TRHDE: variants seen among roughly 807,000 people sequenced by gnomAD.
TRHDE encodes the protein thyrotropin releasing hormone degrading enzyme.
TRHDE carries 72 observed loss-of-function variants against 125.7 expected under a neutral mutation model. The ratio of observed to expected loss-of-function variants is 0.57; its 90% CI spans 0.47 to 0.70. TRHDE has a LOEUF of 0.70. Ranked by LOEUF, TRHDE falls within the 30% of genes least tolerant of loss-of-function variation. The probability of loss-of-function intolerance (pLI) is 0.00; values close to 1 mark genes in which losing one functional copy is unlikely to be tolerated. For missense variants in TRHDE, 1,110 were observed against 1,327.1 expected (o/e 0.84, Z 2.54); for synonymous variants, 509 against 509.1 (o/e 1.00, Z 0.00).
chr12:72,290,817 GTCCTGAAAGAACTAGGTGGGCGT>G (rs1196261131), intron 2 of TRHDE, among the ~76,000 whole-genome samples: 1 of 152,196 alleles, frequency 6.6e-6, no homozygotes, highest in African/African-American at 2.4e-5. Context: ...AAAGGTGAGT[GTCCTGAAAGAACTAGGTGGGCGT>G]TATGTGGAAT....
chr12:72,127,157 G>C (rs1448072930), intron 2 of TRHDE, among the ~76,000 whole-genome samples: 1 of 152,104 alleles, frequency 6.6e-6, no homozygotes, highest in East Asian at 1.9e-4. Flanking sequence ...ACTTACACCA[G>C]TCAGAATGGC....
intron 2 of TRHDE, among the ~76,000 whole-genome samples, chr12:72,372,268 T>C (rs1871635282): frequency 6.6e-6 from 1 of 152,122 alleles, no homozygotes; most frequent in African/African-American, 2.4e-5. Context: ...TTGTTTGAGT[T>C]CATTGTAGAT....
At chr12:72,570,333 C>A (rs1416122763) in intron 10 of TRHDE, among the ~76,000 whole-genome samples, 1 of 152,068 alleles carries the variant, frequency 6.6e-6, no homozygotes, top group East Asian at 1.9e-4. Flanking sequence ...GTAATCCCAG[C>A]ACTTTGGGAG....
chr12:72,531,549 A>G (rs1868555153), intron 6 of TRHDE, among the ~76,000 whole-genome samples: 1 of 151,942 alleles, frequency 6.6e-6, no homozygotes, highest in African/African-American at 2.4e-5. Flanking sequence ...AAATTCATAA[A>G]GATGTGCTTT....
At chr12:72,150,463 A>C (rs1876333096) in intron 2 of TRHDE, among the ~76,000 whole-genome samples, 1 of 150,818 alleles carries the variant, frequency 6.6e-6, no homozygotes, top group African/African-American at 2.4e-5. Context: ...TTAGTTATAT[A>C]TGTATACATG....
Position 72,097,426 on chromosome 12 carries a change from CATTTTCTCACTGA to C in TRHDE, n.175-8216_175-8204del, listed in dbSNP as rs143739243. 1.1e-4 allele frequency among the ~76,000 whole-genome samples: 7 copies of C among 61,800 alleles called. 1 individual carries two copies. Among genetic ancestry groups the C allele is most frequent in the Non-Finnish European group, 2.7e-4 (6 of 21,992 alleles). 40.5% of individuals were successfully genotyped at this position (61,800 alleles called of 152,430 possible). On this transcript the variant is annotated intron_variant and non_coding_transcript_variant, in intron 1 of 4. Coordinates refer to the TRHDE transcript ENST00000548156. ...TTAGTCCCTCCTTACCTTGCAGTAG[CATTTTCTCACTGA>C]ATTTTTTTTTTTTTTTTTTTTTTTT...
At chr12:72,356,362 A>T (rs1406429736) in intron 2 of TRHDE, among the ~76,000 whole-genome samples, 5 of 151,490 alleles carry the variant, frequency 3.3e-5, no homozygotes, top group African/African-American at 1.2e-4. Context: ...GAGGGGAACA[A>T]CAGACAACGG....
chr12:72,313,100 G>T (rs1416670501), intron 2 of TRHDE, among the ~76,000 whole-genome samples: 1 of 151,856 alleles, frequency 6.6e-6, no homozygotes, highest in Non-Finnish European at 1.5e-5. Flanking sequence ...TTAGGTTTAT[G>T]ATTTCATTAT....
intron 2 of TRHDE, among the ~76,000 whole-genome samples, chr12:72,232,599 A>G (rs1382059715): frequency 6.6e-6 from 1 of 152,168 alleles, no homozygotes; most frequent in Non-Finnish European, 1.5e-5. Flanking sequence ...AGAACTCTAG[A>G]ATCAGGAGAA....
At chr12:72,151,617 T>C (rs1377032569) in intron 2 of TRHDE, among the ~76,000 whole-genome samples, 1 of 151,814 alleles carries the variant, frequency 6.6e-6, no homozygotes, top group Non-Finnish European at 1.5e-5. Context: ...TACATATGGC[T>C]AGCCAGTTTT....
At chr12:72,585,888 T>C (rs1225637738) in intron 12 of TRHDE, among the ~76,000 whole-genome samples, 1 of 152,176 alleles carries the variant, frequency 6.6e-6, no homozygotes, top group Non-Finnish European at 1.5e-5. Flanking sequence ...CTAAAGAAAT[T>C]TTTAAAATGA....
intron 2 of TRHDE, chr12:72,186,128 C>G (rs1877202937): frequency 6.6e-6 from 1 of 152,534 alleles, no homozygotes; most frequent in African/African-American, 2.4e-5. Flanking sequence ...AAGCTTTGTT[C>G]TTTCGCTCTT....
chr12:72,356,542 T>TA (rs1056986448), intron 2 of TRHDE, among the ~76,000 whole-genome samples: 164 of 143,924 alleles, frequency 1.1e-3, no homozygotes, highest in South Asian at 3.7e-3. Flanking sequence ...AAATAAAAGT[T>TA]AAAAAAAAAA....
intron 2 of TRHDE, among the ~76,000 whole-genome samples, chr12:72,145,761 G>T (rs1049180736): frequency 6.6e-6 from 1 of 152,116 alleles, no homozygotes; most frequent in Non-Finnish European, 1.5e-5. Context: ...AGGTAGCAAA[G>T]GTATGGTTAG....
intron 15 of TRHDE, among the ~76,000 whole-genome samples, chr12:72,636,413 TG>T (rs1664180790): frequency 2.0e-5 from 3 of 151,554 alleles, no homozygotes; most frequent in Admixed American, 2.0e-4. Context: ...GCTGAGACAA[TG>T]GGGTTTTCTA....
At chr12:72,134,684 G>A (rs1414317864) in intron 2 of TRHDE, among the ~76,000 whole-genome samples, 3 of 152,076 alleles carry the variant, frequency 2.0e-5, no homozygotes, top group Non-Finnish European at 4.4e-5. Context: ...ATACGTAGGA[G>A]TTCTTTGAAC....
chr12:72,287,676 TTTTCA>T (rs1362921906), intron 2 of TRHDE, among the ~76,000 whole-genome samples: 1 of 152,152 alleles, frequency 6.6e-6, no homozygotes, highest in Non-Finnish European at 1.5e-5. Context: ...CTGCAACTTA[TTTTCA>T]TTTCATTTTA....
intron 2 of TRHDE, among the ~76,000 whole-genome samples, chr12:72,288,324 C>A (rs897201983): frequency 3.4e-4 from 52 of 152,128 alleles, no homozygotes; most frequent in African/African-American, 1.1e-3. Context: ...TAATTTAAGT[C>A]ATTGTGGGAC....
intron 6 of TRHDE, among the ~76,000 whole-genome samples, chr12:72,519,175 G>C (rs1429571950): frequency 1.3e-5 from 2 of 152,064 alleles, no homozygotes; most frequent in African/African-American, 2.4e-5. Context: ...TGTATTTCCT[G>C]AATCTGAATG....
Sources: allele counts gnomAD v4.1 joint callset (sites outside exome capture counted in the v4.1 genomes callset), GRCh38; gene constraint gnomAD v4.1.1; transcripts MANE v1.5; gene names NCBI Gene and HGNC (gene_info 2026-07-23, HGNC 2026-07-21).